Variants in RBFOX1 observed in about 807,000 individuals in gnomAD.
RBFOX1 encodes the protein RNA binding protein fox-1 homolog 1.
RBFOX1 carries 8 observed loss-of-function variants against 57.7 expected under a neutral mutation model. The observed-to-expected ratio is 0.14, with a 90% CI of 0.08 to 0.25. RBFOX1 has a LOEUF of 0.25. Ranked by LOEUF, RBFOX1 falls within the 10% of genes least tolerant of loss-of-function variation. RBFOX1 has a pLI of 1.00. For missense variants in RBFOX1, 611 were observed against 548.5 expected, an observed-to-expected ratio of 1.11 and a Z score of -1.14; for synonymous variants, 326 against 222.4, an observed-to-expected ratio of 1.47 and a Z score of -4.15.
intron 1 of RBFOX1, among the ~76,000 whole-genome samples, chr16:6,026,599 T>C (rs538314178): frequency 6.6e-6 from 1 of 152,364 alleles, no homozygotes; most frequent in Non-Finnish European, 1.5e-5. Context: ...CTTGAGTTGC[T>C]CTGAGAAGTG....
intron 2 of RBFOX1, among the ~76,000 whole-genome samples, chr16:5,567,493 C>A (rs2046113242): frequency 6.6e-6 from 1 of 152,110 alleles, no homozygotes; most frequent in African/African-American, 2.4e-5. Flanking sequence ...CGGGTCACCA[C>A]CTGCCCCTGG....
At chr16:7,480,918 AG>A (rs1264788032) in intron 4 of RBFOX1, among the ~76,000 whole-genome samples, 1 of 151,560 alleles carries the variant, frequency 6.6e-6, no homozygotes, top group Non-Finnish European at 1.5e-5. Context: ...AGGGAGGGGC[AG>A]GGGTAGGGGT....
chr16:6,978,697 A>G (rs561467105), intron 3 of RBFOX1, among the ~76,000 whole-genome samples: 3 of 152,324 alleles, frequency 2.0e-5, no homozygotes, highest in East Asian at 1.9e-4. Flanking sequence ...GGTTTTGCCA[A>G]TGTAATCAGG....
chr16:7,410,722 G>T (rs550563015), intron 4 of RBFOX1, among the ~76,000 whole-genome samples: 23 of 152,122 alleles, frequency 1.5e-4, no homozygotes, highest in African/African-American at 4.8e-4. Context: ...GGTCTCTTCT[G>T]TTAACCCCTA....
intron 1 of RBFOX1, among the ~76,000 whole-genome samples, chr16:5,341,724 G>T (rs1201242818): frequency 6.6e-6 from 1 of 152,192 alleles, no homozygotes; most frequent in African/African-American, 2.4e-5. Flanking sequence ...TCATACAGCT[G>T]GCCTTGACCG....
intron 1 of RBFOX1, among the ~76,000 whole-genome samples, chr16:6,297,436 C>T (rs2078255484): frequency 6.6e-6 from 1 of 152,116 alleles, no homozygotes; most frequent in South Asian, 2.1e-4. Context: ...ATCCCAGCCT[C>T]TACTTACTGG....
chr16:5,476,201 C>T (rs902487783), intron 2 of RBFOX1, among the ~76,000 whole-genome samples: 1 of 152,234 alleles, frequency 6.6e-6, no homozygotes, highest in East Asian at 1.9e-4. Flanking sequence ...ATGTTACATA[C>T]CTTGATTTAG....
chr16:5,703,797 A>G (rs563603596), intron 3 of RBFOX1, among the ~76,000 whole-genome samples: 1 of 152,318 alleles, frequency 6.6e-6, no homozygotes, highest in South Asian at 2.1e-4. Flanking sequence ...GTATATATAT[A>G]TGTGTACATA....
chr16:5,610,981 T>C (rs902244700), intron 3 of RBFOX1, among the ~76,000 whole-genome samples: 10 of 152,238 alleles, frequency 6.6e-5, no homozygotes, highest in Admixed American at 5.2e-4. Context: ...TCCAAACTCC[T>C]TGACACAGCT....
chr16:7,413,591 C>A (rs1367903394), intron 4 of RBFOX1, among the ~76,000 whole-genome samples: 1 of 151,880 alleles, frequency 6.6e-6, no homozygotes, highest in African/African-American at 2.4e-5. Context: ...GCTGCCACCC[C>A]CCTGCCCCCT....
intron 3 of RBFOX1, among the ~76,000 whole-genome samples, chr16:5,657,266 A>G (rs2049461008): frequency 6.6e-6 from 1 of 152,236 alleles, no homozygotes; most frequent in Admixed American, 6.5e-5. Flanking sequence ...ATTTCCTGAC[A>G]AATTCACATT....
chr16:5,398,552 G>A lies in RBFOX1; in HGVS notation c.220-68664G>A, dbSNP rs561558246. ...TGTGAATGTTTACATGCACGAGTTC[G>A]TGTGTGCATCTGTACGTGTGTGTGT... On this transcript the variant is annotated intron_variant, in intron 1 of 2. Coordinates refer to the RBFOX1 transcript ENST00000585867. 2.6e-5 allele frequency among the ~76,000 whole-genome samples: 4 copies of A among 151,622 alleles called. 1 individual carries two copies. The highest frequency in any genetic ancestry group is 6.8e-3 in the Middle Eastern group (2 of 294).
chr16:6,769,056 G>C (rs1603618526), intron 3 of RBFOX1, among the ~76,000 whole-genome samples: 1 of 152,040 alleles, frequency 6.6e-6, no homozygotes, highest in African/African-American at 2.4e-5. Context: ...TTTAACAGTT[G>C]ATATTGTTTG....
chr16:5,980,498 A>G (rs954644030), intron 4 of RBFOX1, among the ~76,000 whole-genome samples: 1 of 152,142 alleles, frequency 6.6e-6, no homozygotes, highest in African/African-American at 2.4e-5. Context: ...AGCTGTTCAC[A>G]GTTTTTATTG....
intron 3 of RBFOX1, among the ~76,000 whole-genome samples, chr16:5,834,772 C>G (rs1248495058): frequency 7.6e-6 from 1 of 132,088 alleles, no homozygotes; most frequent in Non-Finnish European, 1.6e-5. Flanking sequence ...CATACATGCA[C>G]AGATGATAGA....
At chr16:5,510,747 C>A (rs1042075715) in intron 2 of RBFOX1, among the ~76,000 whole-genome samples, 1 of 152,122 alleles carries the variant, frequency 6.6e-6, no homozygotes, top group African/African-American at 2.4e-5. Context: ...AGCCTCAGAA[C>A]TATTGACACC....
At chr16:5,405,534 G>C (rs2066841575) in intron 1 of RBFOX1, among the ~76,000 whole-genome samples, 2 of 152,144 alleles carry the variant, frequency 1.3e-5, no homozygotes, top group African/African-American at 4.8e-5. Flanking sequence ...CCCAGTCTCA[G>C]GTATGTCTTT....
At chr16:6,861,466 A>G (rs1220897469) in intron 3 of RBFOX1, among the ~76,000 whole-genome samples, 1 of 148,712 alleles carries the variant, frequency 6.7e-6, no homozygotes, top group Non-Finnish European at 1.5e-5. Context: ...TCCAAAAGGA[A>G]TGATTCCCCT....
At position 6,227,911 on chromosome 16, in the gene RBFOX1, A is replaced by G. The variant is rs1007618639; in HGVS notation, c.-126-89084A>G. ...TCAAAAAATTAAAAATAGAACTACC[A>G]TATGATTCAGCAACCTCACTGCTGG... On this transcript the variant is annotated intron_variant, in intron 1 of 15. Coordinates refer to ENST00000550418, the MANE Select transcript of RBFOX1 (RefSeq NM_018723.4). Among the ~76,000 whole-genome samples, 8 of 152,238 alleles carry G rather than the reference A, an allele frequency of 5.3e-5. 1 individual carries two copies. The highest frequency in any genetic ancestry group is 1.7e-4 in the African/African-American group (7 of 41,472).
Sources: gnomAD v4.1 joint callset for allele counts (sites outside exome capture counted in the v4.1 genomes callset) on GRCh38, gnomAD v4.1.1 for gene constraint, MANE v1.5 for transcripts, NCBI Gene and HGNC (gene_info 2026-07-23, HGNC 2026-07-21) for gene names.